The following COP1 variants were observed in gnomAD, a reference collection of about 807,000 sequenced individuals.
COP1 encodes COP1 E3 ubiquitin ligase.
In COP1, 24 loss-of-function variants were observed where a neutral mutation model predicts 101.3. The observed-to-expected ratio is 0.24, with a 90% CI of 0.17 to 0.33. The LOEUF is 0.33. COP1 is among the 10% of genes least tolerant of loss of function. COP1 has a pLI of 1.00. For missense variants in COP1, 663 were observed against 906.2 expected (o/e 0.73, Z 3.45); for synonymous variants, 347 against 341.9 (o/e 1.01, Z -0.17).
At chr1:176,032,145 A>C (rs1165462416) in intron 14 of COP1, among the ~76,000 whole-genome samples, 18 of 152,192 alleles carry the variant, frequency 1.2e-4, no homozygotes, top group Non-Finnish European at 2.9e-5. Context: ...AGTAAGTTTC[A>C]TATGGAATTC....
chr1:176,173,502 T>G (rs933355067), intron 3 of COP1, among the ~76,000 whole-genome samples: 1 of 151,256 alleles, frequency 6.6e-6, no homozygotes, highest in African/African-American at 2.4e-5. Flanking sequence ...TAGCCAGGTA[T>G]GGTGGCGCAT....
At chr1:176,116,057 C>T (rs186373872) in intron 9 of COP1, among the ~76,000 whole-genome samples, 248 of 152,232 alleles carry the variant, frequency 1.6e-3, no homozygotes, top group Middle Eastern at 3.4e-3. Context: ...GTATTTCCTT[C>T]CTCTCAGGTT....
intron 5 of COP1, among the ~76,000 whole-genome samples, chr1:176,158,917 A>C (rs761177283): frequency 1.5e-4 from 23 of 152,194 alleles, no homozygotes; most frequent in Non-Finnish European, 2.4e-4. Context: ...CTAGGGTTAC[A>C]GGCGTAAGCC....
intron 18 of COP1, among the ~76,000 whole-genome samples, chr1:175,969,737 CT>C (rs1652877166): frequency 1.3e-5 from 2 of 152,116 alleles, no homozygotes; most frequent in Admixed American, 1.3e-4. Context: ...TGAGAAAAAT[CT>C]TTTCTCCCTT....
intron 15 of COP1, among the ~76,000 whole-genome samples, chr1:175,990,959 A>G (rs181300520): frequency 7.2e-5 from 11 of 152,042 alleles, no homozygotes; most frequent in Non-Finnish European, 1.3e-4. Flanking sequence ...TACAACATTC[A>G]ACATACTTAC....
intron 9 of COP1, among the ~76,000 whole-genome samples, chr1:176,096,567 G>A (rs1682426042): frequency 6.6e-6 from 1 of 152,294 alleles, no homozygotes; most frequent in Non-Finnish European, 1.5e-5. Flanking sequence ...AGGGGGAAAG[G>A]AACCCATTTG....
chr1:176,141,602 A>T (rs1380563208), intron 6 of COP1, among the ~76,000 whole-genome samples: 3 of 152,178 alleles, frequency 2.0e-5, no homozygotes, highest in Non-Finnish European at 4.4e-5. Context: ...TGAAGTGCAC[A>T]CTACAGCAAG....
chr1:176,118,047 G>A (rs1201874595), intron 8 of COP1, among the ~76,000 whole-genome samples: 2 of 152,196 alleles, frequency 1.3e-5, no homozygotes, highest in Non-Finnish European at 2.9e-5. Context: ...GAACCTCAAA[G>A]GTTAAAGCAT....
At chr1:176,162,830 C>T in intron 5 of COP1, 39 bp downstream of exon 5, 1 of 1,540,848 alleles carries the variant, frequency 6.5e-7, no homozygotes, top group Non-Finnish European at 8.8e-7. Flanking sequence ...CAATAAAGTT[C>T]ATCATTTAAA....
intron 18 of COP1, among the ~76,000 whole-genome samples, chr1:175,966,930 C>A (rs1652136655): frequency 6.6e-6 from 1 of 152,190 alleles, no homozygotes; most frequent in Non-Finnish European, 1.5e-5. Context: ...TTCCACCCCC[C>A]ATACACAAAA....
At chr1:176,070,231 C>A (rs955548585) in intron 11 of COP1, among the ~76,000 whole-genome samples, 2 of 152,106 alleles carry the variant, frequency 1.3e-5, no homozygotes, top group Admixed American at 1.3e-4. Context: ...TCACGAAGTT[C>A]TGGCTACCCT....
chr1:175,959,059 T>G (rs768364312), intron 18 of COP1, among the ~76,000 whole-genome samples: 2 of 151,446 alleles, frequency 1.3e-5, no homozygotes, highest in Non-Finnish European at 3.0e-5. Flanking sequence ...AATGAAAAAA[T>G]CCTAAACAAA....
chr1:176,124,228 C>T (rs1408844260), intron 8 of COP1, among the ~76,000 whole-genome samples: 3 of 151,986 alleles, frequency 2.0e-5, no homozygotes, highest in African/African-American at 7.3e-5. Flanking sequence ...ATGTGGGTAT[C>T]CATCCCCTCA....
Position 176,085,652 on chromosome 1 carries a change from T to C in COP1, c.1141+124A>G, listed in dbSNP as rs1680001188. 5.7e-5 allele frequency: 28 copies of C among 490,820 alleles called. No individual in the cohort carries two copies. The East Asian group carries it at 8.0e-4, about 14-fold the overall frequency. 30.4% of individuals were successfully genotyped at this position (490,820 alleles called of 1,614,324 possible). A position where few individuals can be genotyped will look rare whatever the true frequency, so the allele number is the denominator to read the frequency against. On this transcript the variant is annotated intron_variant, in intron 10 of 19. Coordinates refer to ENST00000367669, the MANE Select transcript of COP1 (RefSeq NM_022457.7). The stretch of plus-strand genomic sequence containing the variant: ...ACTAAGAACCTCCATGATGATCTGG[T>C]AGACTATGTCAAAAATACATACTTT...
rs1162922661 is a variant in COP1 at position 176,096,122 on chromosome 1, CA to C, written c.1027-10233del. ...AGCCTAATCTTTCCTAGTTGTGTGA[CA>C]AGAGCCTGGTTTTAGCTGAACTAAG... On this transcript the variant is annotated intron_variant, in intron 9 of 19. Transcript: ENST00000367669. Among the ~76,000 whole-genome samples, 7 of 152,278 alleles carry C rather than the reference CA, an allele frequency of 4.6e-5. No homozygotes were observed. In the East Asian group the frequency reaches 1.4e-3, roughly 29 times the overall value.
intron 11 of COP1, among the ~76,000 whole-genome samples, chr1:176,078,615 T>C (rs1175931800): frequency 2.3e-5 from 2 of 85,214 alleles, no homozygotes; most frequent in East Asian, 7.5e-4. Context: ...TCAAAAGCAA[T>C]TGCAAAAAAA....
At chr1:175,947,266 T>C in intron 18 of COP1, 27 bp from the exon 19 acceptor site, 2 of 1,549,814 alleles carry the variant, frequency 1.3e-6, no homozygotes, top group Non-Finnish European at 1.8e-6. Context: ...GCTTTTAAAG[T>C]ATAGAGAAGG....
At chr1:176,145,311 C>G (rs933527425) in intron 6 of COP1, among the ~76,000 whole-genome samples, 1 of 152,068 alleles carries the variant, frequency 6.6e-6, no homozygotes, top group Non-Finnish European at 1.5e-5. Flanking sequence ...GTATATACCC[C>G]AAGATTAGCT....
At chr1:176,035,099 T>C (rs1669259641) in intron 14 of COP1, among the ~76,000 whole-genome samples, 1 of 151,944 alleles carries the variant, frequency 6.6e-6, no homozygotes, top group Non-Finnish European at 1.5e-5. Flanking sequence ...GAAAACACAA[T>C]TAACAAAGGT....
Sources: gnomAD v4.1 joint callset for allele counts (sites outside exome capture counted in the v4.1 genomes callset) on GRCh38, gnomAD v4.1.1 for gene constraint, MANE v1.5 for transcripts, NCBI Gene and HGNC (gene_info 2026-07-23, HGNC 2026-07-21) for gene names.